RYK: variants seen among roughly 807,000 people sequenced by gnomAD.
RYK encodes the protein inactive tyrosine-protein kinase RYK.
RYK carries 21 observed loss-of-function variants against 70.2 expected under a neutral mutation model. The ratio of observed to expected loss-of-function variants is 0.30; its 90% confidence interval spans 0.21 to 0.43. RYK has a LOEUF of 0.43. Ranked by LOEUF, RYK falls within the 20% of genes least tolerant of loss-of-function variation. The pLI is 1.00. For synonymous variants in RYK, 267 were observed against 278.0 expected (o/e 0.96, Z 0.39); for missense variants, 604 against 753.3 (o/e 0.80, Z 2.32).
rs189528378 is a variant in RYK, at chr3:134,213,665, G to C, written c.355-2058C>G. Among the ~76,000 whole-genome samples the C allele has an allele frequency of 1.3e-4, 20 of 152,244 alleles. No individual in the cohort carries two copies. The Middle Eastern group carries it at 0.01, about 78-fold the overall frequency. The stretch of plus-strand genomic sequence containing the variant: ...ACCTGGCTTTCCTCAGAAGTCATCT[G>C]TTCCCCTTCCTATCATTCAGTTCCT... On this transcript the variant is annotated intron_variant, in intron 2 of 14. Coordinates refer to ENST00000623711, the MANE Select transcript of RYK (RefSeq NM_002958.4).
At chr3:134,211,291 C>G (rs1291597988) in intron 3 of RYK, among the ~76,000 whole-genome samples, 5 of 152,178 alleles carry the variant, frequency 3.3e-5, no homozygotes, top group Non-Finnish European at 7.3e-5. Flanking sequence ...GAAAAAGAGA[C>G]AGGGAGGGCG....
intron 2 of RYK, among the ~76,000 whole-genome samples, chr3:134,219,128 A>G (rs2014653414): frequency 6.6e-6 from 1 of 152,162 alleles, no homozygotes; most frequent in Non-Finnish European, 1.5e-5. Flanking sequence ...ATATGGGAGT[A>G]CAGTTACAGC....
intron 13 of RYK, among the ~76,000 whole-genome samples, chr3:134,161,381 G>A (rs2108138946): frequency 6.6e-6 from 1 of 152,272 alleles, no homozygotes; most frequent in Admixed American, 6.5e-5. Context: ...GTGCATTGTA[G>A]GATGTTTAGC....
At chr3:134,250,381 C>A in intron 1 of RYK, 42 bp downstream of exon 1, 1 of 1,289,296 alleles carries the variant, frequency 7.8e-7, no homozygotes, top group Non-Finnish European at 9.9e-7. Context: ...GCTGCCCCAG[C>A]CGGCCCGACC....
chr3:134,174,328 C>T (rs1037079130), intron 13 of RYK, among the ~76,000 whole-genome samples: 1 of 152,078 alleles, frequency 6.6e-6, no homozygotes, highest in Non-Finnish European at 1.5e-5. Flanking sequence ...CTACAGCAGC[C>T]ACAGAAAACT....
chr3:134,195,769 A>G (rs770164982), intron 6 of RYK, among the ~76,000 whole-genome samples: 10 of 152,186 alleles, frequency 6.6e-5, no homozygotes, highest in Non-Finnish European at 8.8e-5. Context: ...CTACATGGTG[A>G]AACCCTGTCT....
At chr3:134,164,396 A>T (rs2012585387) in intron 13 of RYK, among the ~76,000 whole-genome samples, 1 of 152,122 alleles carries the variant, frequency 6.6e-6, no homozygotes, top group African/African-American at 2.4e-5. Flanking sequence ...TTCTGTTTTG[A>T]TCCTTTCCTT....
chr3:134,226,266 T>C (rs572609726), intron 1 of RYK, among the ~76,000 whole-genome samples: 1 of 152,076 alleles, frequency 6.6e-6, no homozygotes, highest in African/African-American at 2.4e-5. Context: ...ATAAACAACT[T>C]TGACAATAAA....
At chr3:134,176,464 T>A (rs1180696956) in intron 11 of RYK, among the ~76,000 whole-genome samples, 2 of 152,210 alleles carry the variant, frequency 1.3e-5, no homozygotes, top group Admixed American at 6.6e-5. Flanking sequence ...CTAAGCCTGG[T>A]GCAGTGGCTC....
chr3:134,245,668 G>A (rs1475754167), intron 1 of RYK, among the ~76,000 whole-genome samples: 2 of 152,106 alleles, frequency 1.3e-5, no homozygotes, highest in Admixed American at 6.6e-5. Flanking sequence ...ACAGTGACAG[G>A]AGAACTGTAG....
chr3:134,208,560 T>C (rs1220515056), intron 4 of RYK, among the ~76,000 whole-genome samples: 1 of 152,218 alleles, frequency 6.6e-6, no homozygotes, highest in Admixed American at 6.5e-5. Flanking sequence ...CTCTTCTTTC[T>C]TAAAATGTCT....
intron 9 of RYK, among the ~76,000 whole-genome samples, chr3:134,184,570 G>A (rs2013402233): frequency 6.6e-6 from 1 of 152,094 alleles, no homozygotes; most frequent in Non-Finnish European, 1.5e-5. Context: ...AGATCAGCCT[G>A]AGCAATACAA....
rs2015593672 is a variant in RYK at position 134,250,619 on chromosome 3, C to A, written c.36G>T (p.Arg12=). The change falls in exon 1 of 15, where the codon CGG becomes CGT. Residue 12 remains arginine (R), a synonymous_variant. Coordinates refer to ENST00000623711, the MANE Select transcript of RYK (RefSeq NM_002958.4). Reference sequence around the variant, plus strand: ...GGCCGCGGGCCCCCGGGAGGCAACTCCGGCCCGGCCGCCCCAGCCGCGCCG... The same window carrying A: ...GGCCGCGGGCCCCCGGGAGGCAACTACGGCCCGGCCGCCCCAGCCGCGCCG... ...RGAARLGRPG[R]SCLPGARGLR... 1.0e-6 allele frequency: 1 copy of A among 1,001,364 alleles called. No homozygotes were observed. Among genetic ancestry groups the A allele is most frequent in the African/African-American group, 1.8e-5 (1 of 56,908 alleles). 62.0% of individuals were successfully genotyped at this position (1,001,364 alleles called of 1,614,324 possible).
At chr3:134,243,329 T>G (rs2015372895) in intron 1 of RYK, among the ~76,000 whole-genome samples, 1 of 152,162 alleles carries the variant, frequency 6.6e-6, no homozygotes, top group Admixed American at 6.5e-5. Context: ...CCCCTTCAAC[T>G]GCCTTAGTTG....
intron 1 of RYK, among the ~76,000 whole-genome samples, chr3:134,248,027 C>A (rs1414692870): frequency 6.6e-6 from 1 of 151,660 alleles, no homozygotes; most frequent in Non-Finnish European, 1.5e-5. Flanking sequence ...GCCTTGTACA[C>A]ATCTCAGTAC....
chr3:134,216,481 G>A (rs144985204), intron 2 of RYK, among the ~76,000 whole-genome samples: 3 of 152,078 alleles, frequency 2.0e-5, no homozygotes, highest in Admixed American at 6.6e-5. Context: ...GCAAATTTTC[G>A]CTTTTCAGAT....
intron 11 of RYK, among the ~76,000 whole-genome samples, chr3:134,177,627 G>A (rs1372177306): frequency 1.3e-5 from 2 of 152,206 alleles, no homozygotes; most frequent in African/African-American, 4.8e-5. Context: ...CTAAGAGGAA[G>A]ATCTAGGACA....
chr3:134,179,982 T>C (rs1430882539), intron 10 of RYK: 1 of 152,048 alleles, frequency 6.6e-6, no homozygotes, highest in East Asian at 1.9e-4. Flanking sequence ...GCCCATCTTG[T>C]AATGAAAAGG....
rs57016937 is a variant in RYK at position 134,189,740 on chromosome 3, C to CAAAAA, written c.1016-822_1016-818dup. Among the ~76,000 whole-genome samples, 198 of 92,032 alleles carry CAAAAA rather than the reference C, an allele frequency of 2.2e-3. 2 individuals are homozygous for CAAAAA. The highest frequency in any genetic ancestry group is 6.3e-3 in the East Asian group (19 of 3,022). 60.4% of individuals were successfully genotyped at this position (92,032 alleles called of 152,430 possible). A position where few individuals can be genotyped will look rare whatever the true frequency, so the allele number is the denominator to read the frequency against. Reference sequence around the variant, plus strand: ...CCTGGGCAACAGAACGAGACTCCGCCAAAAAAAAAAAAAAAAAAAACAAAA... The same window carrying CAAAAA: ...CCTGGGCAACAGAACGAGACTCCGCCAAAAAAAAAAAAAAAAAAAAAAAAACAAAA... On this transcript the variant is annotated intron_variant, in intron 8 of 14. Transcript: ENST00000623711.
Sources: allele counts gnomAD v4.1 joint callset (sites outside exome capture counted in the v4.1 genomes callset), GRCh38; gene constraint gnomAD v4.1.1; transcripts MANE v1.5; gene names NCBI Gene and HGNC (gene_info 2026-07-23, HGNC 2026-07-21).